Variants in ARFGEF3 observed in about 807,000 individuals in gnomAD.
ARFGEF3 encodes the protein brefeldin A-inhibited guanine nucleotide-exchange protein 3.
A neutral mutation model predicts 221.7 loss-of-function variants in ARFGEF3; 96 were observed. The ratio of observed to expected loss-of-function variants is 0.43; its 90% CI spans 0.37 to 0.51. ARFGEF3 has a LOEUF of 0.51. ARFGEF3 is among the 20% of genes least tolerant of loss of function. ARFGEF3 has a pLI of 0.00. For synonymous variants in ARFGEF3, 1,145 were observed against 1,126.8 expected, an observed-to-expected ratio of 1.02 and a Z score of -0.32; for missense variants, 2,410 against 2,789.9, an observed-to-expected ratio of 0.86 and a Z score of 3.07.
At chr6:138,277,469 C>A (rs1779119826) in intron 12 of ARFGEF3, among the ~76,000 whole-genome samples, 1 of 152,134 alleles carries the variant, frequency 6.6e-6, no homozygotes, top group African/African-American at 2.4e-5. Flanking sequence ...GCTTTCAGTC[C>A]TTCTGGTTAT....
intron 7 of ARFGEF3, among the ~76,000 whole-genome samples, chr6:138,244,000 C>T (rs1374110352): frequency 1.3e-5 from 2 of 152,058 alleles, no homozygotes; most frequent in Non-Finnish European, 2.9e-5. Flanking sequence ...AAAGGCTTCA[C>T]TTTAATGTAG....
chr6:138,171,347 G>C (rs1452311429), intron 2 of ARFGEF3, among the ~76,000 whole-genome samples: 1 of 148,600 alleles, frequency 6.7e-6, no homozygotes, highest in Non-Finnish European at 1.5e-5. Flanking sequence ...TGGTCAAGGA[G>C]AGACATGATC....
intron 24 of ARFGEF3, among the ~76,000 whole-genome samples, chr6:138,309,677 T>A (rs1316560630): frequency 1.3e-5 from 2 of 152,208 alleles, no homozygotes; most frequent in Non-Finnish European, 2.9e-5. Context: ...GCCGATAACA[T>A]GGCTCAGTTC....
intron 10 of ARFGEF3, among the ~76,000 whole-genome samples, chr6:138,257,731 C>A (rs923843010): frequency 6.6e-6 from 1 of 152,170 alleles, no homozygotes; most frequent in African/African-American, 2.4e-5. Flanking sequence ...TTTCAGGAGC[C>A]TGAGTTTAAG....
Position 138,304,680 on chromosome 6 carries a change from A to C in ARFGEF3, c.3829-2573A>C, listed in dbSNP as rs894139356. 1.3e-4 allele frequency among the ~76,000 whole-genome samples: 20 copies of C among 152,326 alleles called. 1 individual carries two copies. Among genetic ancestry groups the C allele is most frequent in the Admixed American group, 2.6e-4 (4 of 15,300 alleles). ...AAATATATTGCTTTGAGTTTTATGT[A>C]GGTTTAGACTTTTAAAATGTTAGAA... On this transcript the variant is annotated intron_variant, in intron 22 of 33. Coordinates refer to ENST00000251691, the MANE Select transcript of ARFGEF3 (RefSeq NM_020340.5).
chr6:138,186,916 T>C (rs1485712879), intron 2 of ARFGEF3, among the ~76,000 whole-genome samples: 3 of 134,858 alleles, frequency 2.2e-5, no homozygotes, highest in African/African-American at 5.8e-5. Flanking sequence ...TTTTTTTTTT[T>C]TTTTTTTTTT....
Position 138,266,290 on chromosome 6 carries a change from G to A in ARFGEF3, c.2128+2679G>A, listed in dbSNP as rs1778890424. Among the ~76,000 whole-genome samples, 4 of 151,910 alleles carry A rather than the reference G, an allele frequency of 2.6e-5. 1 individual carries two copies. The South Asian group carries it at 8.4e-4, about 32-fold the overall frequency. ...GGAAAGGAAGGGAAGGGAAGGCAAGGGAGGGCAGGGCAGGGCAGGGCAAGG... is the reference window on the plus strand; with the variant it reads ...GGAAAGGAAGGGAAGGGAAGGCAAGAGAGGGCAGGGCAGGGCAGGGCAAGG... On this transcript the variant is annotated intron_variant, in intron 12 of 33. Transcript: ENST00000251691.
intron 12 of ARFGEF3, among the ~76,000 whole-genome samples, chr6:138,273,382 C>T (rs1779038629): frequency 1.3e-5 from 2 of 152,170 alleles, no homozygotes; most frequent in African/African-American, 4.8e-5. Flanking sequence ...GTGATCCATC[C>T]TCCTGTTTCC....
At chr6:138,265,079 A>ATT (rs1228851276) in intron 12 of ARFGEF3, among the ~76,000 whole-genome samples, 1 of 151,838 alleles carries the variant, frequency 6.6e-6, no homozygotes, top group Non-Finnish European at 1.5e-5. Flanking sequence ...AATTTTTTGT[A>ATT]TTTTTAGTAG....
chr6:138,201,528 A>T (rs538482147), intron 2 of ARFGEF3, among the ~76,000 whole-genome samples: 1 of 152,344 alleles, frequency 6.6e-6, no homozygotes, highest in African/African-American at 2.4e-5. Context: ...AATGACCTGG[A>T]TAAGATTGGA....
At chr6:138,336,256 G>T in intron 33 of ARFGEF3, 39 bp from the exon 34 acceptor site, 1 of 1,443,152 alleles carries the variant, frequency 6.9e-7, no homozygotes, top group Non-Finnish European at 9.2e-7. Flanking sequence ...ATAAAACCAG[G>T]GGGGAAAGCC....
intron 9 of ARFGEF3, among the ~76,000 whole-genome samples, chr6:138,254,596 G>T (rs1218255136): frequency 6.6e-6 from 1 of 151,998 alleles, no homozygotes. Context: ...TGGGCATGGT[G>T]GCGGGTGCCT....
At chr6:138,209,002 G>GA (rs113618998) in intron 3 of ARFGEF3, among the ~76,000 whole-genome samples, 16 of 152,132 alleles carry the variant, frequency 1.1e-4, no homozygotes, top group African/African-American at 3.6e-4. Flanking sequence ...GGTACAATCT[G>GA]AAAAAGAATT....
chr6:138,255,572 C>T lies in ARFGEF3; in HGVS notation c.907C>T (p.Arg303Ter). 1.2e-6 allele frequency: 2 copies of T among 1,614,020 alleles called. No individual in the cohort carries two copies. Among genetic ancestry groups the T allele is most frequent in the South Asian group, 1.1e-5 (1 of 91,082 alleles). Residue 303 changes from arginine (R) to a stop codon, truncating the protein, a stop_gained, in exon 10 of 34, where the codon CGA becomes TGA. Coordinates refer to ENST00000251691, the MANE Select transcript of ARFGEF3 (RefSeq NM_020340.5). LOFTEE classifies it high-confidence loss of function. Reference sequence around the variant, plus strand: ...GTCTCCGGGAGTGTCTGACCACGGCCGAGGATCAGGCTGCTCCTGCACTGC... The same window carrying T: ...GTCTCCGGGAGTGTCTGACCACGGCTGAGGATCAGGCTGCTCCTGCACTGC... ...SASPGVSDHG[R>*]GSGCSCTAPA... is the part of the protein sequence containing the mutation.
intron 5 of ARFGEF3, among the ~76,000 whole-genome samples, chr6:138,235,006 A>G (rs1778259027): frequency 6.6e-6 from 1 of 152,208 alleles, no homozygotes; most frequent in Admixed American, 6.5e-5. Flanking sequence ...TTTGGCCAAC[A>G]TATATTGAAA....
chr6:138,224,994 C>A (rs896458188), intron 4 of ARFGEF3, among the ~76,000 whole-genome samples: 2 of 152,092 alleles, frequency 1.3e-5, no homozygotes, highest in African/African-American at 4.8e-5. Context: ...TTGACTAGGA[C>A]AGTAGGGGTT....
Position 138,339,492 on chromosome 6 carries a change from T to C in ARFGEF3, c.*3006T>C, listed in dbSNP as rs1467559046. 1.3e-5 allele frequency: 2 copies of C among 152,230 alleles called. No individual in the cohort carries two copies. The highest frequency in any genetic ancestry group is 2.9e-5 in the Non-Finnish European group (2 of 68,036). The allele number at this position is 152,230 out of a possible 1,614,324, so 9.4% of individuals were successfully genotyped here. ...CCTAAGCAGAATGAGAGTTTATACA[T>C]TGTTTTTAGTTGCCTGTATTTATAG... On this transcript the variant is annotated 3_prime_UTR_variant, in exon 34 of 34. Transcript: ENST00000251691.
At chr6:138,192,897 G>C (rs1372583576) in intron 2 of ARFGEF3, among the ~76,000 whole-genome samples, 1 of 152,106 alleles carries the variant, frequency 6.6e-6, no homozygotes, top group Non-Finnish European at 1.5e-5. Flanking sequence ...ACCAAGAGTA[G>C]TTTGACTCCA....
intron 27 of ARFGEF3, among the ~76,000 whole-genome samples, chr6:138,318,739 G>C (rs1779969731): frequency 6.6e-6 from 1 of 151,968 alleles, no homozygotes; most frequent in African/African-American, 2.4e-5. Context: ...CTTTGCTTTT[G>C]TAATCATAAC....
Sources: allele counts gnomAD v4.1 joint callset (sites outside exome capture counted in the v4.1 genomes callset), GRCh38; gene constraint gnomAD v4.1.1; transcripts MANE v1.5; gene names NCBI Gene and HGNC (gene_info 2026-07-23, HGNC 2026-07-21).